The following LRP8 variants were observed in gnomAD, a reference collection of about 807,000 sequenced individuals.
LRP8 encodes low-density lipoprotein receptor-related protein 8.
In LRP8, 46 loss-of-function variants were observed where a neutral mutation model predicts 111.6. The observed-to-expected ratio is 0.41, with a 90% confidence interval of 0.33 to 0.53. The LOEUF (loss-of-function observed/expected upper bound fraction) is 0.53. LRP8 is among the 20% of genes least tolerant of loss of function. The pLI, the probability that LRP8 is intolerant of heterozygous loss-of-function variation, is 0.20. For synonymous variants in LRP8, 464 were observed against 511.2 expected, an observed-to-expected ratio of 0.91 and a Z score of 1.24; for missense variants, 959 against 1,297.4, an observed-to-expected ratio of 0.74 and a Z score of 4.01.
At chr1:53,271,810 AG>A (rs1375802574) in intron 6 of LRP8, among the ~76,000 whole-genome samples, 1 of 152,064 alleles carries the variant, frequency 6.6e-6, no homozygotes, top group Non-Finnish European at 1.5e-5. Flanking sequence ...CTCCAGCCTC[AG>A]GGAGCCCACT....
At chr1:53,258,201 T>C in intron 14 of LRP8, 118 bp downstream of exon 14, 1 of 1,048,450 alleles carries the variant, frequency 9.5e-7, no homozygotes, top group Non-Finnish European at 1.4e-6. Flanking sequence ...AGGCAACAAG[T>C]AACCAGGGAA....
chr1:53,300,528 T>C (rs975220093), intron 2 of LRP8, among the ~76,000 whole-genome samples: 1 of 152,188 alleles, frequency 6.6e-6, no homozygotes, highest in Non-Finnish European at 1.5e-5. Context: ...GGAAGCCCCT[T>C]CCAGGCTGTG....
In LRP8 at chr1:53,257,422, G is replaced by A. The variant is rs372315886; in HGVS notation, c.2252C>T (p.Thr751Met). 122 of 1,614,046 alleles carry A rather than the reference G, an allele frequency of 7.6e-5. No homozygotes were observed. The highest frequency in any genetic ancestry group is 9.1e-5 in the Non-Finnish European group (107 of 1,180,030). The change falls in exon 15 of 19, where the codon ACG becomes ATG. Residue 751 changes from threonine (T) to methionine (M), a missense_variant. By Grantham distance (81) the Thr-to-Met change is moderately conservative. Around this residue, in one of 3 missense-constraint regions of LRP8, gnomAD observed 819 missense variants for 1,097.6 expected, o/e 0.75. Coordinates refer to ENST00000306052, the MANE Select transcript of LRP8 (RefSeq NM_004631.5). ...TCTTGTGGTGGCAGGTACTGTCCTC[G>A]TCATGGTAGAAGCTAACGTCGTAGT... ...TSTTTLASTM[T>M]RTVPATTRAP...
intron 3 of LRP8, 57 bp downstream of exon 3, chr1:53,289,510 A>G: frequency 6.5e-7 from 1 of 1,547,922 alleles, no homozygotes. Context: ...CCTCTCAAGG[A>G]AGATCTGAGG....
rs968012482 is a variant in LRP8 at position 53,244,789 on chromosome 1, C to T, written c.*2229G>A. ...AAAATTCAGTTTCTTTGGAAGGTTA[C>T]AGAAAAAGTCACTTGTTTTGAGTAC... is the stretch of plus-strand genomic sequence containing the variant. On this transcript the variant is annotated 3_prime_UTR_variant, in exon 19 of 19. Transcript: ENST00000306052. 2.6e-5 allele frequency: 4 copies of T among 152,162 alleles called. No individual in the cohort carries two copies. The highest frequency in any genetic ancestry group is 2.0e-4 in the Admixed American group (3 of 15,280). 9.4% of individuals were successfully genotyped at this position (152,162 alleles called of 1,614,324 possible).
chr1:53,275,112 A>C lies in LRP8; in HGVS notation c.1006+519T>G, dbSNP rs1020502774. On this transcript the variant is annotated intron_variant, in intron 6 of 18. Transcript: ENST00000306052. The surrounding 1 kb of genome is among the most constrained non-coding windows in gnomAD (Gnocchi z 4.4). ...AGGACCAGGCAGCAGCTCTAGAGAG[A>C]CCTTAGAGGCTGGACTGATCATCTC... Among the ~76,000 whole-genome samples, 1 of 152,096 alleles carries C rather than the reference A, an allele frequency of 6.6e-6. No individual in the cohort carries two copies. The highest frequency in any genetic ancestry group is 2.4e-5 in the African/African-American group (1 of 41,412).
At chr1:53,290,600 A>G (rs144672484) in intron 2 of LRP8, among the ~76,000 whole-genome samples, 624 of 152,272 alleles carry the variant, frequency 4.1e-3, no homozygotes, top group Non-Finnish European at 6.1e-3. Flanking sequence ...TGAGATAAGA[A>G]TGCAGGTACC....
At chr1:53,252,060 GTAAA>G (rs1396552570) in intron 16 of LRP8, among the ~76,000 whole-genome samples, 1 of 141,632 alleles carries the variant, frequency 7.1e-6, no homozygotes, top group Non-Finnish European at 1.5e-5. Context: ...AAAAAAAAAA[GTAAA>G]TAAATAAATA....
At chr1:53,258,109 T>C in intron 14 of LRP8, 1 of 415,624 alleles carries the variant, frequency 2.4e-6, no homozygotes. Context: ...ATGTGCATTT[T>C]TTCCTTGGGA....
chr1:53,282,614 G>A (rs1288516), intron 3 of LRP8, among the ~76,000 whole-genome samples: 66,883 of 151,850 alleles, frequency 0.44, 18,734 homozygotes, highest in African/African-American at 0.81. Context: ...TCATCAAAGG[G>A]TGGGGGGTGA....
chr1:53,246,253 A>G lies in LRP8; in HGVS notation c.*765T>C, dbSNP rs1319978358. On this transcript the variant is annotated 3_prime_UTR_variant, in exon 19 of 19. Transcript: ENST00000306052. Reference sequence around the variant, plus strand: ...CATAATTGCACAAACCATGGTATCTATTTTCTGATCCAGATTTCCAAAGGC... The same window carrying G: ...CATAATTGCACAAACCATGGTATCTGTTTTCTGATCCAGATTTCCAAAGGC... 6.6e-6 allele frequency: 1 copy of G among 152,128 alleles called. No homozygotes were observed. Among genetic ancestry groups the G allele is most frequent in the Admixed American group, 6.5e-5 (1 of 15,274 alleles). 9.4% of individuals were successfully genotyped at this position (152,128 alleles called of 1,614,324 possible).
chr1:53,285,301 G>T (rs530188501), intron 3 of LRP8, among the ~76,000 whole-genome samples: 1 of 152,270 alleles, frequency 6.6e-6, no homozygotes, highest in South Asian at 2.1e-4. Flanking sequence ...CTGGCCCAGA[G>T]AGAGGTCACT....
At chr1:53,263,107 C>A (rs753203291) in intron 10 of LRP8, among the ~76,000 whole-genome samples, 3 of 152,188 alleles carry the variant, frequency 2.0e-5, no homozygotes, top group Non-Finnish European at 4.4e-5. Context: ...GGGACCCTGA[C>A]GATCCGCAGT....
intron 13 of LRP8, among the ~76,000 whole-genome samples, chr1:53,259,570 T>C (rs1646249504): frequency 6.6e-6 from 1 of 150,476 alleles, no homozygotes; most frequent in South Asian, 2.1e-4. Context: ...TCGTCAAACC[T>C]ATACTCTAGG....
In LRP8 at chr1:53,243,836, A is replaced by G. The variant is rs1645682169; in HGVS notation, c.*3182T>C. On this transcript the variant is annotated 3_prime_UTR_variant, in exon 19 of 19. Transcript: ENST00000306052. ...ACCCCTCTCTCCTTTGAGCCCTAAC[A>G]GTGCTCTGAATAGAATCAATGCCTT... The G allele has an allele frequency of 6.6e-6, 1 of 152,246 alleles. No homozygotes were observed. Among genetic ancestry groups the G allele is most frequent in the South Asian group, 2.1e-4 (1 of 4,832 alleles). 9.4% of individuals were successfully genotyped at this position (152,246 alleles called of 1,614,324 possible).
At chr1:53,260,651 C>T (rs767911455) in intron 12 of LRP8, 46 bp from the exon 13 acceptor site, 3 of 1,597,242 alleles carry the variant, frequency 1.9e-6, no homozygotes, top group Non-Finnish European at 2.6e-6. Context: ...AGTGTAAATC[C>T]ATGACCTCAG....
At chr1:53,323,249 C>T (rs763361834) in intron 2 of LRP8, among the ~76,000 whole-genome samples, 5 of 152,200 alleles carry the variant, frequency 3.3e-5, no homozygotes, top group African/African-American at 4.8e-5. Context: ...TTACGTAACC[C>T]GTCTGTGCCT....
intron 3 of LRP8, among the ~76,000 whole-genome samples, chr1:53,289,090 C>T (rs1024450943): frequency 6.6e-6 from 1 of 152,222 alleles, no homozygotes; most frequent in Non-Finnish European, 1.5e-5. Context: ...GTCACTCAAC[C>T]TCTTTGAGCT....
intron 2 of LRP8, among the ~76,000 whole-genome samples, chr1:53,316,288 A>G (rs897888151): frequency 6.6e-6 from 1 of 152,022 alleles, no homozygotes. Flanking sequence ...CTTGGCCCCT[A>G]CAGTAGGCAG....
Sources: gnomAD v4.1 joint callset for allele counts (sites outside exome capture counted in the v4.1 genomes callset) on GRCh38, gnomAD v4.1.1 for gene constraint, gnomAD v4.1.1 regional missense constraint, Gnocchi (gnomAD v3.1) non-coding constraint, MANE v1.5 for transcripts, NCBI Gene and HGNC (gene_info 2026-07-23, HGNC 2026-07-21) for gene names.